Variants in ABCC4 observed in about 807,000 individuals in gnomAD.
The protein encoded by ABCC4 is ATP-binding cassette sub-family C member 4.
Under a neutral mutation model 168.5 loss-of-function variants are expected in ABCC4, and 102 were observed. That is an observed-to-expected ratio of 0.61 (90% CI 0.52 to 0.71). The LOEUF is 0.71. Among genes scored for constraint, ABCC4 ranks in the 30% least tolerant of loss-of-function variants. ABCC4 has a pLI of 0.00. For missense variants in ABCC4, 1,402 were observed against 1,605.8 expected, an observed-to-expected ratio of 0.87 and a Z score of 2.17; for synonymous variants, 617 against 590.7, an observed-to-expected ratio of 1.04 and a Z score of -0.65.
intron 3 of ABCC4, among the ~76,000 whole-genome samples, chr13:95,241,259 G>T (rs1297317720): frequency 6.6e-6 from 1 of 151,716 alleles, no homozygotes; most frequent in Non-Finnish European, 1.5e-5. Flanking sequence ...CAGCTACTCA[G>T]GAGGCAGAGG....
At chr13:95,061,460 C>T (rs1380485696) in intron 26 of ABCC4, among the ~76,000 whole-genome samples, 6 of 152,116 alleles carry the variant, frequency 3.9e-5, no homozygotes, top group Non-Finnish European at 5.9e-5. Flanking sequence ...CCTTCCCTTC[C>T]GGTGGCACGT....
chr13:95,250,090 A>G (rs1280854273), intron 1 of ABCC4, among the ~76,000 whole-genome samples: 6 of 152,236 alleles, frequency 3.9e-5, no homozygotes, highest in Non-Finnish European at 7.3e-5. Flanking sequence ...GCCTGATGAC[A>G]AAAGTCAACT....
intron 25 of ABCC4, among the ~76,000 whole-genome samples, chr13:95,068,324 A>G (rs903585492): frequency 6.6e-6 from 1 of 152,222 alleles, no homozygotes; most frequent in Non-Finnish European, 1.5e-5. Context: ...GAACCAGGAC[A>G]CAAATCAAAA....
Position 95,161,248 on chromosome 13 carries a change from T to C in ABCC4, c.2396A>G (p.Asn799Ser). The C allele has an allele frequency of 1.9e-6, 3 of 1,611,522 alleles. No homozygotes were observed. Among genetic ancestry groups the C allele is most frequent in the Non-Finnish European group, 2.5e-6 (3 of 1,179,556 alleles). ...TTTCAGAATTGACTCAAACATTTTGTTGTGCAAAGTTTGTGAAGAGTTAAC... is the reference window on the plus strand; with the variant it reads ...TTTCAGAATTGACTCAAACATTTTGCTGTGCAAAGTTTGTGAAGAGTTAAC... ...VLVNSSQTLHNKMFESILKAP... is the reference protein window; with the variant it reads ...VLVNSSQTLHSKMFESILKAP... The change falls in exon 19 of 31, where the codon AAC becomes AGC. Residue 799 changes from asparagine to serine, a missense_variant. Coordinates refer to ENST00000645237, the MANE Select transcript of ABCC4 (RefSeq NM_005845.5).
intron 4 of ABCC4, among the ~76,000 whole-genome samples, chr13:95,230,146 G>T (rs2138743110): frequency 6.6e-6 from 1 of 152,266 alleles, no homozygotes; most frequent in South Asian, 2.1e-4. Context: ...CCAATCTGTT[G>T]ACCTCACTTA....
Position 95,301,435 on chromosome 13 carries a change from G to T in ABCC4, c.-121C>A. ...TCCGGCCGCCACGCCTGTCCGCTCGGCTGGAGCCTGTGAAGCAGCCGCTTC... is the reference window on the plus strand; with the variant it reads ...TCCGGCCGCCACGCCTGTCCGCTCGTCTGGAGCCTGTGAAGCAGCCGCTTC... On this transcript the variant is annotated 5_prime_UTR_variant, in exon 1 of 31. Transcript: ENST00000645237. The T allele has an allele frequency of 3.7e-6, 3 of 804,364 alleles. No individual in the cohort carries two copies. Among genetic ancestry groups the T allele is most frequent in the South Asian group, 3.2e-5 (1 of 31,206 alleles). 49.8% of individuals were successfully genotyped at this position (804,364 alleles called of 1,614,324 possible).
At chr13:95,064,108 T>A (rs2033403189) in intron 25 of ABCC4, among the ~76,000 whole-genome samples, 2 of 152,070 alleles carry the variant, frequency 1.3e-5, no homozygotes, top group Non-Finnish European at 2.9e-5. Flanking sequence ...AAGAGATACA[T>A]GTACAAAATA....
chr13:95,099,452 T>TA (rs568468861), intron 20 of ABCC4, among the ~76,000 whole-genome samples: 4 of 151,906 alleles, frequency 2.6e-5, no homozygotes, highest in East Asian at 3.9e-4. Context: ...AAATTCAACC[T>TA]AAAAAAAACT....
chr13:95,031,653 G>A (rs1013706453), intron 30 of ABCC4, among the ~76,000 whole-genome samples: 1 of 152,166 alleles, frequency 6.6e-6, no homozygotes, highest in African/African-American at 2.4e-5. Context: ...CAGTAATTGA[G>A]ATTTCAATTC....
At chr13:95,046,714 G>A (rs1443509937) in intron 27 of ABCC4, among the ~76,000 whole-genome samples, 3 of 152,008 alleles carry the variant, frequency 2.0e-5, no homozygotes, top group African/African-American at 7.2e-5. Flanking sequence ...AATAAGCCAA[G>A]ATCGCGCCAC....
At chr13:95,197,384 G>A (rs1324122186) in intron 8 of ABCC4, among the ~76,000 whole-genome samples, 1 of 152,226 alleles carries the variant, frequency 6.6e-6, no homozygotes, top group African/African-American at 2.4e-5. Context: ...GTGCAGGTCA[G>A]AACAGAAGTT....
At chr13:95,194,701 G>C in intron 9 of ABCC4, 135 bp downstream of exon 9, 4 of 622,038 alleles carry the variant, frequency 6.4e-6, no homozygotes, top group Non-Finnish European at 1.1e-5. Context: ...TCCTAATTTT[G>C]AGAATCTTTG....
At chr13:95,227,288 A>C (rs2039492277) in intron 4 of ABCC4, among the ~76,000 whole-genome samples, 1 of 152,208 alleles carries the variant, frequency 6.6e-6, no homozygotes, top group South Asian at 2.1e-4. Context: ...GGCTCCTCTT[A>C]AGCTATTCCC....
At chr13:95,062,915 G>A in intron 25 of ABCC4, 56 bp from the exon 26 acceptor site, 1 of 1,552,790 alleles carries the variant, frequency 6.4e-7, no homozygotes, top group Non-Finnish European at 8.7e-7. Context: ...ATCACAGGAT[G>A]CAGCAAAACT....
At chr13:95,194,231 T>C (rs980901981) in intron 9 of ABCC4, among the ~76,000 whole-genome samples, 1 of 152,186 alleles carries the variant, frequency 6.6e-6, no homozygotes, top group South Asian at 2.1e-4. Flanking sequence ...CAGAACTACC[T>C]GTCCACTTAC....
intron 25 of ABCC4, among the ~76,000 whole-genome samples, chr13:95,067,479 T>C (rs1345601924): frequency 6.6e-6 from 1 of 152,132 alleles, no homozygotes; most frequent in African/African-American, 2.4e-5. Flanking sequence ...TCATCCAAAA[T>C]TGCTTACCGG....
At chr13:95,024,995 A>T (rs575480352) in intron 30 of ABCC4, among the ~76,000 whole-genome samples, 17 of 152,104 alleles carry the variant, frequency 1.1e-4, no homozygotes, top group Non-Finnish European at 2.1e-4. Context: ...CAATCATAGG[A>T]ATTCTCCAGT....
intron 21 of ABCC4, among the ~76,000 whole-genome samples, chr13:95,080,583 C>T (rs186435455): frequency 0.014 from 2,143 of 152,246 alleles, 62 homozygotes; most frequent in African/African-American, 0.049. Context: ...AAGAGATTCT[C>T]ATGTCTCAGC....
intron 19 of ABCC4, among the ~76,000 whole-genome samples, chr13:95,133,706 A>G (rs185161578): frequency 4.6e-5 from 7 of 152,262 alleles, no homozygotes; most frequent in African/African-American, 1.7e-4. Flanking sequence ...AAGAACAACA[A>G]CAGCGACATC....
Sources: gnomAD v4.1 joint callset for allele counts (sites outside exome capture counted in the v4.1 genomes callset) on GRCh38, gnomAD v4.1.1 for gene constraint, MANE v1.5 for transcripts, NCBI Gene and HGNC (gene_info 2026-07-23, HGNC 2026-07-21) for gene names.